The following HFM1 variants were observed in gnomAD, a reference collection of about 807,000 sequenced individuals.
HFM1 encodes probable ATP-dependent DNA helicase HFM1.
Under a neutral mutation model 192.1 loss-of-function variants are expected in HFM1, and 169 were observed. The observed-to-expected ratio is 0.88, with a 90% confidence interval of 0.78 to 1.00. The LOEUF (loss-of-function observed/expected upper bound fraction) is 1.00, where lower values mean the gene tolerates loss of function less well. Among genes scored for constraint, HFM1 ranks in the 50% least tolerant of loss-of-function variants. The probability of loss-of-function intolerance (pLI) is 0.00; values close to 1 mark genes in which losing one functional copy is unlikely to be tolerated. For synonymous variants in HFM1, 525 were observed against 537.8 expected (o/e 0.98, Z 0.33); for missense variants, 1,661 against 1,668.0 (o/e 1.00, Z 0.07).
At chr1:91,287,597 G>T (rs556135114) in intron 30 of HFM1, among the ~76,000 whole-genome samples, 1 of 152,298 alleles carries the variant, frequency 6.6e-6, no homozygotes, top group East Asian at 1.9e-4. Flanking sequence ...AAACTAAAAA[G>T]CAGAGCACCT....
intron 4 of HFM1, 125 bp from the exon 5 acceptor site, chr1:91,385,959 C>T (rs1662158538): frequency 4.3e-6 from 3 of 704,668 alleles, no homozygotes; most frequent in Non-Finnish European, 7.2e-6. Context: ...AACAAAAAAG[C>T]TAAACATTCT....
chr1:91,287,154 C>G (rs1047268288), intron 30 of HFM1, among the ~76,000 whole-genome samples: 1 of 152,208 alleles, frequency 6.6e-6, no homozygotes, highest in African/African-American at 2.4e-5. Context: ...TGGGTGGAGC[C>G]CACCACAGCT....
At chr1:91,289,852 AAGAGGGAGAGGGAGACG>A (rs1163825299) in intron 30 of HFM1, among the ~76,000 whole-genome samples, 2 of 152,004 alleles carry the variant, frequency 1.3e-5, no homozygotes, top group African/African-American at 4.8e-5. Flanking sequence ...AGACCGTGCA[AAGAGGGAGAGGGAGACG>A]AGAGGGAGAG....
intron 30 of HFM1, among the ~76,000 whole-genome samples, chr1:91,280,006 T>C (rs1376961364): frequency 2.3e-3 from 1 of 426 alleles, no homozygotes; most frequent in Admixed American, 0.056. Context: ...AAATAAAATG[T>C]AATTTAAGTA....
intron 21 of HFM1, 27 bp downstream of exon 21, chr1:91,324,647 AT>A (rs745562781): frequency 4.2e-5 from 43 of 1,019,320 alleles, no homozygotes; most frequent in South Asian, 9.2e-5. Flanking sequence ...ACCACTATGT[AT>A]TTTTTTTCTA....
intron 11 of HFM1, among the ~76,000 whole-genome samples, chr1:91,376,408 G>C (rs1660907528): frequency 6.6e-6 from 1 of 151,920 alleles, no homozygotes; most frequent in Admixed American, 6.6e-5. Context: ...TACAGACAGA[G>C]GGGAGCAGAA....
chr1:91,371,017 A>G (rs954833284), intron 13 of HFM1, among the ~76,000 whole-genome samples: 6 of 151,870 alleles, frequency 4.0e-5, no homozygotes, highest in Admixed American at 2.0e-4. Context: ...TAAAATACTT[A>G]GGAATCCAAC....
intron 16 of HFM1, 53 bp from the exon 17 acceptor site, chr1:91,351,696 G>T: frequency 1.1e-6 from 1 of 906,744 alleles, no homozygotes. Flanking sequence ...CTTGGTAGCA[G>T]TCCTCTTCAA....
chr1:91,328,031 T>TA (rs771066589), intron 20 of HFM1, among the ~76,000 whole-genome samples: 61 of 151,782 alleles, frequency 4.0e-4, no homozygotes, highest in Non-Finnish European at 7.4e-4. Flanking sequence ...AAATGTCAAA[T>TA]AAAAAACCTA....
chr1:91,388,542 T>C (rs898660402), intron 4 of HFM1, among the ~76,000 whole-genome samples: 1 of 152,158 alleles, frequency 6.6e-6, no homozygotes, highest in African/African-American at 2.4e-5. Context: ...AACATCTGAA[T>C]ATCTACATGC....
At chr1:91,374,215 G>C (rs1660620286) in intron 13 of HFM1, among the ~76,000 whole-genome samples, 1 of 151,882 alleles carries the variant, frequency 6.6e-6, no homozygotes, top group Non-Finnish European at 1.5e-5. Flanking sequence ...ATGATTAAAG[G>C]GGGAGAATGG....
chr1:91,347,475 A>G lies in HFM1; in HGVS notation c.2208T>C (p.Gly736=). 1.3e-6 allele frequency: 2 copies of G among 1,584,402 alleles called. No homozygotes were observed. The highest frequency in any genetic ancestry group is 2.3e-5 in the South Asian group (2 of 85,704). ...CATCTTTGTTCAATCCAGATGCAAA[A>G]CCTGCATGTCATGAAAAAGTAAAAT... ...IRALKNPSHY[G]FASGLNKDGI... The change falls in exon 19 of 39, where the codon GGT becomes GGC. Residue 736 remains glycine (G), a splice_region_variant and synonymous_variant. Transcript: ENST00000370425.
intron 36 of HFM1, among the ~76,000 whole-genome samples, chr1:91,263,038 A>G (rs891171758): frequency 2.6e-5 from 4 of 152,158 alleles, no homozygotes; most frequent in African/African-American, 4.8e-5. Flanking sequence ...TCATTCACTA[A>G]AACACATTTA....
intron 30 of HFM1, among the ~76,000 whole-genome samples, chr1:91,277,600 CT>C (rs66680915): frequency 4.0e-5 from 2 of 49,716 alleles, no homozygotes; most frequent in African/African-American, 1.2e-4. Context: ...AATATATATA[CT>C]TTATATATAT....
At chr1:91,324,865 T>C (rs568085543) in intron 20 of HFM1, 99 bp from the exon 21 acceptor site, 62 of 715,022 alleles carry the variant, frequency 8.7e-5, no homozygotes, top group Non-Finnish European at 9.9e-5. Context: ...AGAAGCAAGA[T>C]GGTAGAACAG....
intron 30 of HFM1, among the ~76,000 whole-genome samples, chr1:91,298,959 G>C (rs1648187825): frequency 6.6e-6 from 1 of 152,090 alleles, no homozygotes; most frequent in African/African-American, 2.4e-5. Context: ...AACTGTAAAT[G>C]GGCTAAATGC....
At chr1:91,403,388 T>C (rs1664510092) in intron 1 of HFM1, among the ~76,000 whole-genome samples, 1 of 152,152 alleles carries the variant, frequency 6.6e-6, no homozygotes, top group Admixed American at 6.5e-5. Context: ...AATGTGAAAT[T>C]TTTTTCTAGT....
chr1:91,361,324 AAGGAG>A (rs1329859278), intron 13 of HFM1, among the ~76,000 whole-genome samples: 1 of 152,122 alleles, frequency 6.6e-6, no homozygotes, highest in African/African-American at 2.4e-5. Context: ...ATAAAGAAGA[AAGGAG>A]AGAAGGATCA....
At chr1:91,397,828 C>T (rs1048910589) in intron 2 of HFM1, among the ~76,000 whole-genome samples, 17 of 152,268 alleles carry the variant, frequency 1.1e-4, no homozygotes, top group African/African-American at 4.1e-4. Flanking sequence ...CTGCGGGAGG[C>T]ACTTAATTAT....
Sources: allele counts gnomAD v4.1 joint callset (sites outside exome capture counted in the v4.1 genomes callset), GRCh38; gene constraint gnomAD v4.1.1; transcripts MANE v1.5; gene names NCBI Gene and HGNC (gene_info 2026-07-23, HGNC 2026-07-21).